The following BNC2 variants were observed in gnomAD, a reference collection of about 807,000 sequenced individuals.
The protein encoded by BNC2 is zinc finger protein basonuclin-2.
BNC2 carries 20 observed loss-of-function variants against 76.3 expected under a neutral mutation model. The ratio of observed to expected loss-of-function variants is 0.26; its 90% CI spans 0.18 to 0.38. The LOEUF is 0.38. BNC2 is among the 10% of genes least tolerant of loss of function. The probability of loss-of-function intolerance (pLI) is 1.00; values close to 1 mark genes in which losing one functional copy is unlikely to be tolerated. For synonymous variants in BNC2, 582 were observed against 514.8 expected, an observed-to-expected ratio of 1.13 and a Z score of -1.77; for missense variants, 1,382 against 1,399.8, an observed-to-expected ratio of 0.99 and a Z score of 0.20.
At chr9:16,462,053 A>G (rs944320117) in intron 5 of BNC2, among the ~76,000 whole-genome samples, 1 of 152,182 alleles carries the variant, frequency 6.6e-6, no homozygotes, top group Non-Finnish European at 1.5e-5. Flanking sequence ...CCTGCCTTTC[A>G]TCACATGCAG....
chr9:16,636,556 G>C (rs1821333892), intron 3 of BNC2, among the ~76,000 whole-genome samples: 1 of 152,046 alleles, frequency 6.6e-6, no homozygotes. Flanking sequence ...TCCTACCTCG[G>C]CCTCCCAAAG....
intron 1 of BNC2, among the ~76,000 whole-genome samples, chr9:16,818,267 GT>G (rs1563957252): frequency 2.2e-4 from 33 of 152,274 alleles, no homozygotes; most frequent in African/African-American, 7.5e-4. Context: ...AGCCGGGCGA[GT>G]TGGCGGGCGC....
chr9:16,711,036 C>T (rs1823822231), intron 3 of BNC2, among the ~76,000 whole-genome samples: 1 of 152,120 alleles, frequency 6.6e-6, no homozygotes, highest in South Asian at 2.1e-4. Context: ...CTGTCCCTCG[C>T]TCCCTCTAAT....
intron 3 of BNC2, among the ~76,000 whole-genome samples, chr9:16,585,538 A>G (rs1164037244): frequency 6.6e-6 from 1 of 152,192 alleles, no homozygotes; most frequent in Admixed American, 6.6e-5. Flanking sequence ...AATTATATAT[A>G]TTTAAACAAT....
intron 3 of BNC2, among the ~76,000 whole-genome samples, chr9:16,687,179 G>T (rs1823004180): frequency 6.6e-6 from 1 of 151,788 alleles, no homozygotes; most frequent in Admixed American, 6.6e-5. Flanking sequence ...GAAAAGAAAG[G>T]TTGAGAATAC....
At chr9:16,438,278 T>G (rs1464193519) in intron 5 of BNC2, among the ~76,000 whole-genome samples, 1 of 152,206 alleles carries the variant, frequency 6.6e-6, no homozygotes, top group Non-Finnish European at 1.5e-5. Flanking sequence ...CTTTTTATGA[T>G]CTTGTTATAA....
intron 3 of BNC2, among the ~76,000 whole-genome samples, chr9:16,662,474 G>A (rs1411745915): frequency 1.3e-5 from 2 of 152,206 alleles, no homozygotes; most frequent in South Asian, 2.1e-4. Context: ...AGTGGCTCAT[G>A]TCTGTAATTC....
intron 3 of BNC2, among the ~76,000 whole-genome samples, chr9:16,630,490 G>C (rs1482474870): frequency 6.6e-6 from 1 of 152,012 alleles, no homozygotes; most frequent in Non-Finnish European, 1.5e-5. Flanking sequence ...GAATACAAAA[G>C]ACAAGTGAAA....
chr9:16,739,279 C>T lies in BNC2; in HGVS notation c.4-794G>A, dbSNP rs148856024. On this transcript the variant is annotated intron_variant, in intron 1 of 6. Transcript: ENST00000380672. ...ACCAAAAGCTTCTCAACAGCAGTAA[C>T]GTCTGATCATTATTTTGCTCCAAGA... Among the ~76,000 whole-genome samples, 1,135 of 152,272 alleles carry T rather than the reference C, an allele frequency of 7.5e-3. 14 individuals are homozygous for T. The highest frequency in any genetic ancestry group is 0.025 in the African/African-American group (1,028 of 41,540).
chr9:16,797,784 C>A (rs1383276572), intron 1 of BNC2, among the ~76,000 whole-genome samples: 1 of 151,982 alleles, frequency 6.6e-6, no homozygotes, highest in Non-Finnish European at 1.5e-5. Flanking sequence ...TTGCCCAGGG[C>A]AACAAATGAT....
At chr9:16,758,195 T>C (rs1181970570) in intron 1 of BNC2, among the ~76,000 whole-genome samples, 2 of 152,046 alleles carry the variant, frequency 1.3e-5, no homozygotes, top group Non-Finnish European at 2.9e-5. Flanking sequence ...CTTACTATTC[T>C]TCCATGGTCA....
At position 16,870,664 on chromosome 9, in the gene BNC2, G is replaced by T. The variant is rs753970753; in HGVS notation, c.-16C>A. On this transcript the variant is annotated 5_prime_UTR_variant, in exon 1 of 7. Transcript: ENST00000380672. Reference sequence around the variant, plus strand: ...TTCTTACCATCTCGGCATGCTGGTTGTCAAGTGCAGCCCCCGCCTCTTGGT... The same window carrying T: ...TTCTTACCATCTCGGCATGCTGGTTTTCAAGTGCAGCCCCCGCCTCTTGGT... 6.2e-7 allele frequency: 1 copy of T among 1,610,446 alleles called. No homozygotes were observed. Among genetic ancestry groups the T allele is most frequent in the South Asian group, 1.1e-5 (1 of 90,594 alleles).
At chr9:16,769,699 G>A (rs1051436583) in intron 1 of BNC2, among the ~76,000 whole-genome samples, 4 of 152,146 alleles carry the variant, frequency 2.6e-5, no homozygotes, top group African/African-American at 4.8e-5. Flanking sequence ...TCTCCAAGTC[G>A]CCAGCTTAAT....
At chr9:16,679,437 A>G (rs1252129777) in intron 3 of BNC2, among the ~76,000 whole-genome samples, 1 of 152,218 alleles carries the variant, frequency 6.6e-6, no homozygotes, top group African/African-American at 2.4e-5. Context: ...ATGAGCTAAT[A>G]TAATTCAATT....
intron 3 of BNC2, among the ~76,000 whole-genome samples, chr9:16,615,457 G>C (rs574952170): frequency 2.0e-5 from 3 of 152,056 alleles, no homozygotes; most frequent in African/African-American, 4.8e-5. Context: ...CATGTGAGAG[G>C]TGCCCTTCCC....
intron 1 of BNC2, among the ~76,000 whole-genome samples, chr9:16,811,496 G>A (rs1818052010): frequency 7.0e-6 from 1 of 142,966 alleles, no homozygotes; most frequent in Non-Finnish European, 1.5e-5. Flanking sequence ...AGGTTGCGGT[G>A]AGCCGAGATC....
intron 1 of BNC2, among the ~76,000 whole-genome samples, chr9:16,753,701 C>T (rs1825289360): frequency 6.6e-6 from 1 of 152,122 alleles, no homozygotes; most frequent in African/African-American, 2.4e-5. Flanking sequence ...ATCAGCAAGC[C>T]CAGTATGTCC....
intron 3 of BNC2, among the ~76,000 whole-genome samples, chr9:16,683,476 T>C (rs1822884100): frequency 6.6e-6 from 1 of 152,178 alleles, no homozygotes; most frequent in Admixed American, 6.5e-5. Context: ...GTGATGATAA[T>C]GCCTAGCCCT....
At chr9:16,614,823 G>A (rs1334226026) in intron 3 of BNC2, among the ~76,000 whole-genome samples, 2 of 151,954 alleles carry the variant, frequency 1.3e-5, no homozygotes, top group African/African-American at 4.8e-5. Flanking sequence ...GGGTGTGGTG[G>A]CACATGCCTG....
Sources: allele counts gnomAD v4.1 joint callset (sites outside exome capture counted in the v4.1 genomes callset), GRCh38; gene constraint gnomAD v4.1.1; transcripts MANE v1.5; gene names NCBI Gene and HGNC (gene_info 2026-07-23, HGNC 2026-07-21).